The following RORA variants were observed in gnomAD, a reference collection of about 807,000 sequenced individuals.
The protein encoded by RORA is nuclear receptor ROR-alpha.
In RORA, 7 loss-of-function variants were observed where a neutral mutation model predicts 69.5. The observed-to-expected ratio is 0.10, with a 90% CI of 0.06 to 0.19. RORA has a LOEUF of 0.19. Among genes scored for constraint, RORA ranks in the 10% least tolerant of loss-of-function variants. RORA has a pLI of 1.00. For missense variants in RORA, 457 were observed against 663.0 expected, an observed-to-expected ratio of 0.69 and a Z score of 3.41; for synonymous variants, 261 against 240.8, an observed-to-expected ratio of 1.08 and a Z score of -0.78.
intron 1 of RORA, among the ~76,000 whole-genome samples, chr15:60,976,613 C>T (rs951099613): frequency 6.6e-6 from 1 of 152,140 alleles, no homozygotes. Flanking sequence ...CAAATGTTAG[C>T]TAAGGCAGCC....
chr15:61,022,889 T>C (rs571216455), intron 1 of RORA, among the ~76,000 whole-genome samples: 1 of 151,996 alleles, frequency 6.6e-6, no homozygotes, highest in Admixed American at 6.5e-5. Flanking sequence ...GTAATCAATG[T>C]TTAAGAACTG....
At chr15:61,189,625 AG>A (rs1274453933) in intron 1 of RORA, among the ~76,000 whole-genome samples, 1 of 152,094 alleles carries the variant, frequency 6.6e-6, no homozygotes, top group African/African-American at 2.4e-5. Flanking sequence ...TGGGAGGCCG[AG>A]GTAGGCAGAT....
At chr15:60,842,945 T>A (rs939434495) in intron 1 of RORA, among the ~76,000 whole-genome samples, 1 of 152,168 alleles carries the variant, frequency 6.6e-6, no homozygotes, top group African/African-American at 2.4e-5. Flanking sequence ...GGGCTGGCTG[T>A]ATTCATTTGA....
intron 1 of RORA, among the ~76,000 whole-genome samples, chr15:60,926,220 C>CA (rs1443061362): frequency 5.3e-5 from 8 of 152,276 alleles, no homozygotes; most frequent in Non-Finnish European, 2.9e-5. Context: ...ATTCGAAAGC[C>CA]AAAAGTCCCT....
At chr15:61,197,221 T>G (rs1264787250) in intron 1 of RORA, among the ~76,000 whole-genome samples, 1 of 152,164 alleles carries the variant, frequency 6.6e-6, no homozygotes, top group African/African-American at 2.4e-5. Context: ...TCTCCCTACA[T>G]GGCAATAAAG....
intron 1 of RORA, among the ~76,000 whole-genome samples, chr15:60,954,914 A>G: frequency 6.6e-6 from 1 of 151,838 alleles, no homozygotes; most frequent in East Asian, 1.9e-4. Context: ...AGACTGGATG[A>G]CTCAATACAT....
At position 60,489,163 on chromosome 15, in the gene RORA, T is replaced by C. The variant is rs1280270794; in HGVS notation, c.*8292A>G. The stretch of plus-strand genomic sequence containing the variant: ...CAGTTAAGGAATGATGTGATTTATA[T>C]TAAAAGAGATTTCTCCCTCAACTGT... On this transcript the variant is annotated 3_prime_UTR_variant, in exon 11 of 11. Transcript: ENST00000335670. 1 of 152,230 alleles carries C rather than the reference T, an allele frequency of 6.6e-6. No homozygotes were observed. The highest frequency in any genetic ancestry group is 2.4e-5 in the African/African-American group (1 of 41,452). 9.4% of individuals were successfully genotyped at this position (152,230 alleles called of 1,614,324 possible).
At chr15:61,129,122 T>C (rs1455195863) in intron 1 of RORA, among the ~76,000 whole-genome samples, 2 of 152,260 alleles carry the variant, frequency 1.3e-5, no homozygotes, top group Non-Finnish European at 2.9e-5. Context: ...CAAGTCATTA[T>C]GGAAATATGT....
Position 61,152,102 on chromosome 15 carries a change from A to G in RORA, c.166+76951T>C, listed in dbSNP as rs571854829. On this transcript the variant is annotated intron_variant, in intron 1 of 10. Coordinates refer to ENST00000335670, the MANE Select transcript of RORA (RefSeq NM_134261.3). Reference sequence around the variant, plus strand: ...AACTAAAAACAAAAAACAAACAAATACAAATTCCACCAAATATCCTGGTGG... The same window carrying G: ...AACTAAAAACAAAAAACAAACAAATGCAAATTCCACCAAATATCCTGGTGG... 1.8e-4 allele frequency among the ~76,000 whole-genome samples: 27 copies of G among 152,324 alleles called. No homozygotes were observed. The South Asian group carries it at 5.6e-3, about 32-fold the overall frequency.
chr15:60,592,607 C>G, intron 2 of RORA: 1 of 1,182,642 alleles, frequency 8.5e-7, no homozygotes, highest in East Asian at 3.7e-5. Flanking sequence ...CTGTTTACAC[C>G]GCGCCCCTCC....
intron 3 of RORA, among the ~76,000 whole-genome samples, chr15:60,522,846 C>T (rs1170817892): frequency 1.3e-5 from 2 of 149,806 alleles, no homozygotes; most frequent in African/African-American, 4.9e-5. Context: ...CCGAGGTGGG[C>T]AGATCACGAG....
chr15:60,748,103 G>C (rs1183690406), intron 1 of RORA, among the ~76,000 whole-genome samples: 1 of 152,134 alleles, frequency 6.6e-6, no homozygotes, highest in Non-Finnish European at 1.5e-5. Flanking sequence ...GGTCAACTTT[G>C]TGTTTGCTGC....
chr15:60,683,281 G>A (rs1016114922), intron 1 of RORA, among the ~76,000 whole-genome samples: 1 of 148,512 alleles, frequency 6.7e-6, no homozygotes, highest in Non-Finnish European at 1.5e-5. Flanking sequence ...CAAAGTGCTG[G>A]ATTAAAGGCG....
chr15:60,614,849 A>C (rs774511796), intron 2 of RORA: 1 of 1,514,056 alleles, frequency 6.6e-7, no homozygotes, highest in Admixed American at 1.7e-5. Flanking sequence ...ACATGCTTAC[A>C]TACATATAGC....
chr15:60,667,594 CA>C (rs2070398572), intron 2 of RORA, among the ~76,000 whole-genome samples: 1 of 150,736 alleles, frequency 6.6e-6, no homozygotes, highest in Admixed American at 6.6e-5. Flanking sequence ...CCATTGGTAG[CA>C]GAGAGTATAG....
At chr15:61,145,128 C>A (rs1390447048) in intron 1 of RORA, among the ~76,000 whole-genome samples, 1 of 152,108 alleles carries the variant, frequency 6.6e-6, no homozygotes, top group Non-Finnish European at 1.5e-5. Context: ...ACTTACTTCT[C>A]TATACAGGAT....
intron 1 of RORA, among the ~76,000 whole-genome samples, chr15:60,921,176 G>C (rs1892033895): frequency 6.6e-6 from 1 of 152,136 alleles, no homozygotes; most frequent in Admixed American, 6.6e-5. Context: ...CAATTCCACT[G>C]CCAGGATATA....
chr15:60,514,512 G>T, intron 4 of RORA, 104 bp downstream of exon 4: 1 of 1,131,118 alleles, frequency 8.8e-7, no homozygotes. Context: ...GTGGAATAAT[G>T]AGGAGGGGGC....
chr15:60,592,443 G>GGA (rs1283063741), intron 2 of RORA: 18 of 1,419,094 alleles, frequency 1.3e-5, no homozygotes, highest in Non-Finnish European at 1.7e-5. Context: ...GAGAGCGCAG[G>GGA]GAGAGCGGAT....
Sources: allele counts gnomAD v4.1 joint callset (sites outside exome capture counted in the v4.1 genomes callset), GRCh38; gene constraint gnomAD v4.1.1; transcripts MANE v1.5; gene names NCBI Gene and HGNC (gene_info 2026-07-23, HGNC 2026-07-21).